MAU2: variants seen among roughly 807,000 people sequenced by gnomAD.
MAU2 encodes the protein MAU2 sister chromatid cohesion factor.
Under a neutral mutation model 89.1 loss-of-function variants are expected in MAU2, and 9 were observed. That is an observed-to-expected ratio of 0.10 (90% CI 0.06 to 0.18). MAU2 has a LOEUF of 0.18. MAU2 is among the 10% of genes least tolerant of loss of function. MAU2 has a pLI of 1.00. For missense variants in MAU2, 425 were observed against 803.5 expected (o/e 0.53, Z 5.69); for synonymous variants, 357 against 343.4 (o/e 1.04, Z -0.44).
chr19:19,347,499 C>T (rs1033036852), intron 13 of MAU2, 133 bp downstream of exon 13: 4 of 674,582 alleles, frequency 5.9e-6, no homozygotes, highest in Non-Finnish European at 1.0e-5. Context: ...TGGGCGGCAC[C>T]CGACACAGAC....
At chr19:19,330,560 G>A (rs1463488310) in intron 1 of MAU2, among the ~76,000 whole-genome samples, 2 of 152,188 alleles carry the variant, frequency 1.3e-5, no homozygotes, top group Non-Finnish European at 2.9e-5. Flanking sequence ...GACCAACATA[G>A]AGAAACCCCG....
chr19:19,329,154 C>T, intron 1 of MAU2: 1 of 455,502 alleles, frequency 2.2e-6, no homozygotes, highest in Non-Finnish European at 4.4e-6. Context: ...CCTCATCAGG[C>T]CCAGCGTAAG....
rs1056444224 is a variant in MAU2, at chr19:19,325,271, G to T, written c.276+4136G>T. On this transcript the variant is annotated intron_variant, in intron 1 of 18. Transcript: ENST00000262815. ...GCTCACTGCAACCTCTGCCTCCCGG[G>T]TTCAAGCGAGTCTCCTGCCTCAGCC... 2.6e-5 allele frequency among the ~76,000 whole-genome samples: 4 copies of T among 152,280 alleles called. No homozygotes were observed. The South Asian group carries it at 8.3e-4, about 32-fold the overall frequency.
chr19:19,336,079 C>T (rs1222153676), intron 2 of MAU2, 43 bp from the exon 3 acceptor site: 2 of 1,489,510 alleles, frequency 1.3e-6, no homozygotes, highest in Admixed American at 1.7e-5. Context: ...TTCAAACCGA[C>T]CTTTTTCGCA....
intron 17 of MAU2, 92 bp downstream of exon 17, chr19:19,354,537 G>A (rs929223801): frequency 3.5e-6 from 4 of 1,155,924 alleles, no homozygotes; most frequent in East Asian, 2.5e-5. Flanking sequence ...GCCTTAGCTC[G>A]GACTAGGCCT....
intron 1 of MAU2, among the ~76,000 whole-genome samples, chr19:19,323,485 C>T (rs2061480750): frequency 6.6e-6 from 1 of 152,064 alleles, no homozygotes; most frequent in Non-Finnish European, 1.5e-5. Context: ...TGAGTCACCA[C>T]ATCTGGCCAG....
intron 13 of MAU2, chr19:19,347,851 T>A (rs2061707525): frequency 6.5e-6 from 1 of 153,370 alleles, no homozygotes; most frequent in Non-Finnish European, 1.5e-5. Flanking sequence ...TTAGGTTCCC[T>A]CTTCTGTCCC....
At chr19:19,325,222 C>G (rs2061494681) in intron 1 of MAU2, among the ~76,000 whole-genome samples, 3 of 152,128 alleles carry the variant, frequency 2.0e-5, no homozygotes, top group African/African-American at 7.2e-5. Context: ...CACCCAGGCT[C>G]TGGAGTGCAA....
At chr19:19,344,411 CA>C (rs146072113) in intron 10 of MAU2, 9,883 of 191,302 alleles carry the variant, frequency 0.052, 189 homozygotes, top group Middle Eastern at 0.12. Context: ...GACTCCATCT[CA>C]AAAAAAAAAA....
At position 19,345,898 on chromosome 19, in the gene MAU2, C is replaced by T. The variant is rs1210101933; in HGVS notation, c.1221+529C>T. Among the ~76,000 whole-genome samples, 3 of 152,194 alleles carry T rather than the reference C, an allele frequency of 2.0e-5. No homozygotes were observed. The highest frequency in any genetic ancestry group is 2.9e-5 in the Non-Finnish European group (2 of 68,024). On this transcript the variant is annotated intron_variant, in intron 12 of 18. Transcript: ENST00000262815. The surrounding 1 kb of genome is among the most constrained non-coding windows in gnomAD (Gnocchi z 4.9). ...AGGCTGGTGCCACATCCTCACGGAG[C>T]GCCCCAGCCCAGGGCTGGACCATTG... is the stretch of plus-strand genomic sequence containing the variant.
Position 19,343,823 on chromosome 19 carries a change from A to C in MAU2, c.974-14A>C. On this transcript the variant is annotated splice_polypyrimidine_tract_variant and intron_variant, in intron 9 of 18. Transcript: ENST00000262815. Reference sequence around the variant, plus strand: ...GGCCTCCCCTGCATGCTTACCCCTGACTCTCACCCATAGTGCTGGACTGCA... The same window carrying C: ...GGCCTCCCCTGCATGCTTACCCCTGCCTCTCACCCATAGTGCTGGACTGCA... 1 of 1,603,804 alleles carries C rather than the reference A, an allele frequency of 6.2e-7. No individual in the cohort carries two copies. The highest frequency in any genetic ancestry group is 8.5e-7 in the Non-Finnish European group (1 of 1,171,686).
chr19:19,324,165 C>T (rs2061486173), intron 1 of MAU2, among the ~76,000 whole-genome samples: 1 of 152,112 alleles, frequency 6.6e-6, no homozygotes, highest in South Asian at 2.1e-4. Context: ...GAGAACTGAA[C>T]CAGGGAGAAG....
chr19:19,355,545 C>T (rs2048167987), intron 18 of MAU2, 154 bp downstream of exon 18: 1 of 1,268,880 alleles, frequency 7.9e-7, no homozygotes, highest in East Asian at 2.5e-5. Context: ...TGGGCACCCC[C>T]ACCCAAGCAA....
chr19:19,339,172 G>A (rs1319350629), intron 5 of MAU2, among the ~76,000 whole-genome samples: 2 of 152,106 alleles, frequency 1.3e-5, no homozygotes, highest in South Asian at 2.1e-4. Context: ...AATTGGGTCC[G>A]GGCACAGTGG....
rs1599918012 is a variant in MAU2, at chr19:19,345,146, T to G, written c.1156-158T>G. The G allele has an allele frequency of 2.7e-6, 2 of 736,252 alleles. No individual in the cohort carries two copies. Among genetic ancestry groups the G allele is most frequent in the Non-Finnish European group, 4.6e-6 (2 of 431,982 alleles). The allele number at this position is 736,252 out of a possible 1,614,324, so 45.6% of individuals were successfully genotyped here. On this transcript the variant is annotated intron_variant, in intron 11 of 18. Coordinates refer to ENST00000262815, the MANE Select transcript of MAU2 (RefSeq NM_015329.4). The surrounding 1 kb of genome is among the most constrained non-coding windows in gnomAD (Gnocchi z 4.9). ...CCCACATTGGCTTGGGTCTGAAAGG[T>G]GGGGACAGTGAGCATATTACCTGCC...
In MAU2 at chr19:19,321,348, C is replaced by T. The variant is rs573571992; in HGVS notation, c.276+213C>T. 2.0e-5 allele frequency among the ~76,000 whole-genome samples: 3 copies of T among 152,320 alleles called. No individual in the cohort carries two copies. In the East Asian group the frequency reaches 5.8e-4, roughly 29 times the overall value. On this transcript the variant is annotated intron_variant, in intron 1 of 18. Transcript: ENST00000262815. ...AGCCTCGCCCCCCACGCCTTATTTC[C>T]CGTTTCTGGTGACAGGGCTCCAGGA...
chr19:19,332,586 A>G (rs572794083), intron 1 of MAU2, among the ~76,000 whole-genome samples: 1 of 96,414 alleles, frequency 1.0e-5, no homozygotes, highest in Non-Finnish European at 2.6e-5. Context: ...ACACCCACTG[A>G]CGCTAGTGGA....
At chr19:19,321,796 C>T (rs999172742) in intron 1 of MAU2, 1 of 152,020 alleles carries the variant, frequency 6.6e-6, no homozygotes, top group Non-Finnish European at 1.5e-5. Context: ...TTCTGGATTC[C>T]AGGCCCCGCT....
chr19:19,343,694 G>T, intron 9 of MAU2, 143 bp from the exon 10 acceptor site: 2 of 667,728 alleles, frequency 3.0e-6, no homozygotes, highest in Non-Finnish European at 5.4e-6. Context: ...TCACTCAGAG[G>T]GTGCAGTGGG....
Sources: gnomAD v4.1 joint callset for allele counts (sites outside exome capture counted in the v4.1 genomes callset) on GRCh38, gnomAD v4.1.1 for gene constraint, Gnocchi (gnomAD v3.1) non-coding constraint, MANE v1.5 for transcripts, NCBI Gene and HGNC (gene_info 2026-07-23, HGNC 2026-07-21) for gene names.